Variants in TEKT3 observed in about 807,000 individuals in gnomAD.
TEKT3 encodes tektin-3.
Under a neutral mutation model 49.8 loss-of-function variants are expected in TEKT3, and 49 were observed. That is an observed-to-expected ratio of 0.98 (90% CI 0.78 to 1.25). The LOEUF is 1.25. Among genes scored for constraint, TEKT3 ranks in the 50% most tolerant of loss-of-function variants. The pLI is 0.00. For missense variants in TEKT3, 595 were observed against 629.5 expected (o/e 0.95, Z 0.59); for synonymous variants, 225 against 237.2 (o/e 0.95, Z 0.47).
Position 15,326,624 on chromosome 17 carries a change from C to T in TEKT3, c.663+1368G>A, listed in dbSNP as rs563402534. Among the ~76,000 whole-genome samples the T allele has an allele frequency of 2.6e-5, 4 of 152,090 alleles. No homozygotes were observed. The East Asian group carries it at 7.7e-4, about 29-fold the overall frequency. On this transcript the variant is annotated intron_variant, in intron 4 of 8. Coordinates refer to ENST00000395930, the MANE Select transcript of TEKT3 (RefSeq NM_031898.3). ...GGTGATGAAGGAACACTGGTACCAT[C>T]AATAGAAAGGGACAGGCAATAGGCT... is the stretch of plus-strand genomic sequence containing the variant.
intron 4 of TEKT3, 47 bp downstream of exon 4, chr17:15,327,945 A>AT: frequency 6.5e-7 from 1 of 1,543,436 alleles, no homozygotes; most frequent in Non-Finnish European, 9.0e-7. Flanking sequence ...TTCAACATAC[A>AT]TTTACAACTA....
rs375331596 is a variant in TEKT3 at position 15,321,448 on chromosome 17, A to T, written c.664-2301T>A. Among the ~76,000 whole-genome samples, 35 of 152,290 alleles carry T rather than the reference A, an allele frequency of 2.3e-4. No individual in the cohort carries two copies. In the East Asian group the frequency reaches 6.4e-3, roughly 28 times the overall value. ...GTCCCCAGTGCTAACTTATCCTTCC[A>T]TCTGTACCCATACATGGAGGTGGCC... is the stretch of plus-strand genomic sequence containing the variant. On this transcript the variant is annotated intron_variant, in intron 4 of 8. Transcript: ENST00000395930.
At chr17:15,341,916 G>T (rs1315976866), upstream of TEKT3, among the ~76,000 whole-genome samples, 3 of 152,204 alleles carry the variant, frequency 2.0e-5, no homozygotes, top group Non-Finnish European at 4.4e-5. Flanking sequence ...AACTCTTCCA[G>T]CTGCGAAGAA....
At chr17:15,323,775 TC>T (rs1253374927) in intron 4 of TEKT3, among the ~76,000 whole-genome samples, 1 of 152,154 alleles carries the variant, frequency 6.6e-6, no homozygotes, top group Non-Finnish European at 1.5e-5. Flanking sequence ...CCGAAGCTCC[TC>T]CCTCAATTCA....
At chr17:15,307,332 T>A (rs8074324) in intron 8 of TEKT3, among the ~76,000 whole-genome samples, 7,260 of 152,262 alleles carry the variant, frequency 0.048, 553 homozygotes, top group African/African-American at 0.16. Context: ...AATAGAACTC[T>A]GGGGTGAGAC....
At chr17:15,306,087 A>ATG (rs750721630) in intron 8 of TEKT3, among the ~76,000 whole-genome samples, 217 of 128,556 alleles carry the variant, frequency 1.7e-3, no homozygotes, top group Non-Finnish European at 2.3e-3. Flanking sequence ...TTATTTATAT[A>ATG]TATGTGTGTG....
chr17:15,324,614 T>C (rs1472898472), intron 4 of TEKT3, among the ~76,000 whole-genome samples: 1 of 152,216 alleles, frequency 6.6e-6, no homozygotes, highest in Non-Finnish European at 1.5e-5. Flanking sequence ...TATTTTTTAT[T>C]AGAACTATCC....
intron 4 of TEKT3, among the ~76,000 whole-genome samples, chr17:15,321,840 C>A (rs1032603429): frequency 1.3e-5 from 2 of 152,222 alleles, no homozygotes; most frequent in African/African-American, 4.8e-5. Context: ...GCTTGAAGAA[C>A]CTTGAATGCA....
chr17:15,330,442 T>C (rs1474694011), intron 3 of TEKT3, among the ~76,000 whole-genome samples: 2 of 152,156 alleles, frequency 1.3e-5, no homozygotes, highest in Non-Finnish European at 2.9e-5. Context: ...GGCGCTGTTC[T>C]CAGGATAGTG....
chr17:15,324,439 T>C (rs73982104), intron 4 of TEKT3, among the ~76,000 whole-genome samples: 8,175 of 152,286 alleles, frequency 0.054, 451 homozygotes, highest in African/African-American at 0.14. Flanking sequence ...TATGTTTTCT[T>C]TTCTCCTGGA....
intron 1 of TEKT3, among the ~76,000 whole-genome samples, chr17:15,340,688 A>G (rs989780019): frequency 1.3e-5 from 2 of 152,234 alleles, no homozygotes; most frequent in Non-Finnish European, 2.9e-5. Flanking sequence ...CAAGGGTTAC[A>G]TAACAGACCT....
In TEKT3 at chr17:15,304,043, C is replaced by A. The variant is rs771598388; in HGVS notation, c.1366G>T (p.Glu456Ter). Residue 456 changes from glutamate (E) to a stop codon, truncating the protein, a stop_gained, in exon 9 of 9, where the codon GAG becomes TAG. Transcript: ENST00000395930. LOFTEE classifies it high-confidence loss of function. This position sits in a 1 kb window ranked among gnomAD's most constrained non-coding sequence, Gnocchi z 4.7. Reference protein sequence around the residue: ...QSLVHIKATLEYDLAVKANSL... With the variant: ...QSLVHIKATL ...TTGGCTTTGACAGCCAGGTCATACTCGAGTGTGGCTTTGATGTGGACCAGC... is the reference window on the plus strand; with the variant it reads ...TTGGCTTTGACAGCCAGGTCATACTAGAGTGTGGCTTTGATGTGGACCAGC... The A allele has an allele frequency of 6.2e-7, 1 of 1,614,114 alleles. No homozygotes were observed. Among genetic ancestry groups the A allele is most frequent in the South Asian group, 1.1e-5 (1 of 91,070 alleles).
intron 4 of TEKT3, among the ~76,000 whole-genome samples, chr17:15,326,742 T>C: frequency 6.6e-6 from 1 of 152,176 alleles, no homozygotes; most frequent in Non-Finnish European, 1.5e-5. Context: ...TAATGCTTTA[T>C]AAAGTGCCTG....
intron 7 of TEKT3, chr17:15,311,492 A>C (rs1257985344): frequency 6.6e-6 from 1 of 152,234 alleles, no homozygotes; most frequent in Non-Finnish European, 1.5e-5. Flanking sequence ...TCAACTAGCT[A>C]GGGGGAGGAT....
intron 2 of TEKT3, among the ~76,000 whole-genome samples, chr17:15,334,509 C>G (rs1409053293): frequency 6.6e-6 from 1 of 152,204 alleles, no homozygotes; most frequent in African/African-American, 2.4e-5. Context: ...TGTGAGTCAT[C>G]TGCTCCAGGG....
At chr17:15,316,693 T>G (rs1911028115) in intron 5 of TEKT3, among the ~76,000 whole-genome samples, 1 of 152,254 alleles carries the variant, frequency 6.6e-6, no homozygotes, top group African/African-American at 2.4e-5. Flanking sequence ...ATGTCTTTGC[T>G]GCTTGCTAAA....
chr17:15,306,081 T>TTTTATA (rs1555528983), intron 8 of TEKT3, among the ~76,000 whole-genome samples: 2 of 132,812 alleles, frequency 1.5e-5, no homozygotes, highest in Non-Finnish European at 3.1e-5. Flanking sequence ...CACAGTTTAT[T>TTTTATA]TATATATATG....
rs371141816 is a variant in TEKT3 at position 15,319,086 on chromosome 17, G to A, written c.725C>T (p.Ala242Val). ...RMKLHLDKAI[A>V]QLAANRASQH... is the part of the protein sequence containing the mutation. ...GACATAAAGCTCTTACGCAAGTTGG[G>A]CAATAGCCTTATCCAAATGTAGCTT... Residue 242 changes from alanine to valine, a missense_variant, in exon 5 of 9, where the codon GCC (alanine) becomes GTC (valine). Physicochemically the swap from Ala to Val is moderately conservative, Grantham distance 64. Transcript: ENST00000395930. The A allele has an allele frequency of 6.2e-7, 1 of 1,611,468 alleles. No individual in the cohort carries two copies. The highest frequency in any genetic ancestry group is 1.7e-4 in the Middle Eastern group (1 of 6,012).
At chr17:15,333,855 G>T (rs1328348273) in intron 2 of TEKT3, among the ~76,000 whole-genome samples, 4 of 151,782 alleles carry the variant, frequency 2.6e-5, no homozygotes, top group Non-Finnish European at 5.9e-5. Context: ...TGCCTCCCAG[G>T]TTCACACCAT....
Sources: gnomAD v4.1 joint callset for allele counts (sites outside exome capture counted in the v4.1 genomes callset) on GRCh38, gnomAD v4.1.1 for gene constraint, Gnocchi (gnomAD v3.1) non-coding constraint, MANE v1.5 for transcripts, NCBI Gene and HGNC (gene_info 2026-07-23, HGNC 2026-07-21) for gene names.